The following NXPH1 variants were observed in gnomAD, a reference collection of about 807,000 sequenced individuals.
The protein encoded by NXPH1 is neurexophilin 1, also known as neurexophilin-1.
NXPH1 carries 5 observed loss-of-function variants against 23.7 expected under a neutral mutation model. That is an observed-to-expected ratio of 0.21 (90% confidence interval 0.11 to 0.44). The LOEUF (loss-of-function observed/expected upper bound fraction) is 0.44, where lower values mean the gene tolerates loss of function less well. Ranked by LOEUF, NXPH1 falls within the 20% of genes least tolerant of loss-of-function variation. The probability of loss-of-function intolerance (pLI) is 0.99; values close to 1 mark genes in which losing one functional copy is unlikely to be tolerated. For synonymous variants in NXPH1, 144 were observed against 122.2 expected (o/e 1.18, Z -1.18); for missense variants, 324 against 321.6 (o/e 1.01, Z -0.06).
intron 2 of NXPH1, among the ~76,000 whole-genome samples, chr7:8,599,293 A>C (rs1819301268): frequency 1.3e-5 from 2 of 152,078 alleles, no homozygotes; most frequent in African/African-American, 4.8e-5. Flanking sequence ...TGCCATCAGC[A>C]CTCACGAAGG....
intron 2 of NXPH1, among the ~76,000 whole-genome samples, chr7:8,737,262 C>G (rs774656431): frequency 6.6e-6 from 1 of 152,108 alleles, no homozygotes; most frequent in Non-Finnish European, 1.5e-5. Flanking sequence ...TTTGCAATGG[C>G]TGGTACTGGT....
At chr7:8,635,298 G>T (rs1181039376) in intron 2 of NXPH1, among the ~76,000 whole-genome samples, 2 of 152,186 alleles carry the variant, frequency 1.3e-5, no homozygotes, top group Admixed American at 6.5e-5. Context: ...AGCAGTCTTT[G>T]TTGCCTTTTG....
intron 2 of NXPH1, among the ~76,000 whole-genome samples, chr7:8,523,284 A>G (rs1224944049): frequency 6.6e-6 from 1 of 152,194 alleles, no homozygotes; most frequent in Non-Finnish European, 1.5e-5. Context: ...CACACTCAGA[A>G]TTTCTAATAT....
intron 2 of NXPH1, among the ~76,000 whole-genome samples, chr7:8,526,466 T>G (rs940010358): frequency 6.6e-6 from 1 of 152,070 alleles, no homozygotes; most frequent in Non-Finnish European, 1.5e-5. Flanking sequence ...GCATGATTGG[T>G]TTTGAAATGT....
At position 8,686,040 on chromosome 7, in the gene NXPH1, G is replaced by C. The variant is rs182013267; in HGVS notation, c.55-64968G>C. On this transcript the variant is annotated intron_variant, in intron 2 of 2. Coordinates refer to ENST00000405863, the MANE Select transcript of NXPH1 (RefSeq NM_152745.3). Reference sequence around the variant, plus strand: ...AACATCTCATGTATTTCACAAATATGTACAGCTACTATATACCCACAAAAA... The same window carrying C: ...AACATCTCATGTATTTCACAAATATCTACAGCTACTATATACCCACAAAAA... Among the ~76,000 whole-genome samples, 8 of 152,132 alleles carry C rather than the reference G, an allele frequency of 5.3e-5. No homozygotes were observed. In the East Asian group the frequency reaches 1.5e-3, roughly 29 times the overall value.
chr7:8,709,471 A>G (rs1378366475), intron 2 of NXPH1, among the ~76,000 whole-genome samples: 1 of 152,128 alleles, frequency 6.6e-6, no homozygotes, highest in African/African-American at 2.4e-5. Flanking sequence ...CCTCTTTGCC[A>G]CCTACCTCTC....
intron 2 of NXPH1, among the ~76,000 whole-genome samples, chr7:8,603,077 C>G (rs947228444): frequency 1.3e-5 from 2 of 152,114 alleles, no homozygotes; most frequent in African/African-American, 2.4e-5. Context: ...TCCCAAAGTG[C>G]TGGGATTACA....
intron 2 of NXPH1, among the ~76,000 whole-genome samples, chr7:8,727,208 T>C (rs1415846014): frequency 1.5e-5 from 2 of 131,162 alleles, no homozygotes; most frequent in African/African-American, 6.5e-5. Context: ...TGTAAATTTG[T>C]TTGAGTTCAT....
At chr7:8,504,630 C>T (rs1247478919) in intron 2 of NXPH1, among the ~76,000 whole-genome samples, 1 of 152,072 alleles carries the variant, frequency 6.6e-6, no homozygotes, top group Non-Finnish European at 1.5e-5. Flanking sequence ...ACATGCTCTG[C>T]ATTCCCTTGA....
intron 2 of NXPH1, among the ~76,000 whole-genome samples, chr7:8,692,198 G>A (rs1389086613): frequency 1.3e-5 from 2 of 151,910 alleles, no homozygotes; most frequent in African/African-American, 2.4e-5. Flanking sequence ...TTTGTTCTCT[G>A]GAATATAATT....
chr7:8,463,758 A>C (rs1006775164), intron 2 of NXPH1, among the ~76,000 whole-genome samples: 3 of 152,154 alleles, frequency 2.0e-5, no homozygotes, highest in Admixed American at 6.5e-5. Context: ...TTTTTGAGTT[A>C]GTCACTTAAG....
intron 2 of NXPH1, among the ~76,000 whole-genome samples, chr7:8,610,369 A>T (rs144050736): frequency 6.6e-6 from 1 of 152,142 alleles, no homozygotes; most frequent in Non-Finnish European, 1.5e-5. Context: ...CCCTTTCCTT[A>T]TAATTTTCTG....
At position 8,633,969 on chromosome 7, in the gene NXPH1, TA is replaced by T. The variant is rs575812395; in HGVS notation, c.55-117036del. Among the ~76,000 whole-genome samples, 945 of 152,334 alleles carry T rather than the reference TA, an allele frequency of 6.2e-3. 19 individuals carry two copies. The highest frequency in any genetic ancestry group is 0.022 in the African/African-American group (898 of 41,586). ...AAACACCTTTGCTTAAGAGCATCTG[TA>T]AATAGAGATTTCTTCCTATTATGGG... On this transcript the variant is annotated intron_variant, in intron 2 of 2. Transcript: ENST00000405863.
At chr7:8,660,619 A>G (rs1031986897) in intron 2 of NXPH1, among the ~76,000 whole-genome samples, 1 of 152,218 alleles carries the variant, frequency 6.6e-6, no homozygotes, top group Non-Finnish European at 1.5e-5. Flanking sequence ...GAATTGGACA[A>G]AAGTAAAGCT....
chr7:8,580,051 A>G (rs975436739), intron 2 of NXPH1, among the ~76,000 whole-genome samples: 2 of 152,218 alleles, frequency 1.3e-5, no homozygotes, highest in Admixed American at 6.5e-5. Flanking sequence ...GCCAAGAACT[A>G]AAAAGCATAA....
At position 8,703,580 on chromosome 7, in the gene NXPH1, C is replaced by T. The variant is rs116014791; in HGVS notation, c.55-47428C>T. Among the ~76,000 whole-genome samples the T allele has an allele frequency of 8.7e-3, 1,325 of 151,940 alleles. 18 individuals are homozygous for T. Among genetic ancestry groups the T allele is most frequent in the African/African-American group, 0.031 (1,267 of 41,428 alleles). ...TTTTTTTGCTTATAGTATGCAGTGG[C>T]GCTCAATTAAATTATTATCTATGGT... On this transcript the variant is annotated intron_variant, in intron 2 of 2. Coordinates refer to ENST00000405863, the MANE Select transcript of NXPH1 (RefSeq NM_152745.3).
chr7:8,652,457 T>G (rs1820504596), intron 2 of NXPH1, among the ~76,000 whole-genome samples: 1 of 152,174 alleles, frequency 6.6e-6, no homozygotes, highest in African/African-American at 2.4e-5. Context: ...TAAATGTGCC[T>G]CTACAACTTA....
At chr7:8,541,240 C>G (rs1208852055) in intron 2 of NXPH1, among the ~76,000 whole-genome samples, 1 of 151,574 alleles carries the variant, frequency 6.6e-6, no homozygotes, top group Non-Finnish European at 1.5e-5. Context: ...CTAAATTAAA[C>G]TCTGGAAAAG....
intron 2 of NXPH1, among the ~76,000 whole-genome samples, chr7:8,578,731 T>C (rs1818800931): frequency 6.6e-6 from 1 of 152,160 alleles, no homozygotes; most frequent in Non-Finnish European, 1.5e-5. Flanking sequence ...CAGAGCATGC[T>C]TGCTGCCAAG....
Sources: allele counts gnomAD v4.1 joint callset (sites outside exome capture counted in the v4.1 genomes callset), GRCh38; gene constraint gnomAD v4.1.1; transcripts MANE v1.5; gene names NCBI Gene and HGNC (gene_info 2026-07-23, HGNC 2026-07-21).